CHD9: variants seen among roughly 807,000 people sequenced by gnomAD.
The protein encoded by CHD9 is chromodomain helicase DNA binding protein 9, also known as ATP-dependent chromatin remodeler CHD9.
Under a neutral mutation model 316.1 loss-of-function variants are expected in CHD9, and 77 were observed. The ratio of observed to expected loss-of-function variants is 0.24; its 90% CI spans 0.20 to 0.29. The LOEUF (loss-of-function observed/expected upper bound fraction) is 0.29, where lower values mean the gene tolerates loss of function less well. Ranked by LOEUF, CHD9 falls within the 10% of genes least tolerant of loss-of-function variation. The pLI is 1.00. For missense variants in CHD9, 2,763 were observed against 3,438.1 expected (o/e 0.80, Z 4.91); for synonymous variants, 1,129 against 1,158.3 (o/e 0.97, Z 0.51).
chr16:53,212,751 G>C (rs1461143125), intron 3 of CHD9, among the ~76,000 whole-genome samples: 1 of 152,108 alleles, frequency 6.6e-6, no homozygotes, highest in Admixed American at 6.6e-5. Context: ...CATTTGTTCA[G>C]ATTCCAGTTT....
At chr16:53,114,648 C>T (rs577914946) in intron 1 of CHD9, among the ~76,000 whole-genome samples, 9 of 152,086 alleles carry the variant, frequency 5.9e-5, no homozygotes, top group East Asian at 3.9e-4. Flanking sequence ...AGTGCAGTGG[C>T]GCAATCTCGG....
At chr16:53,112,560 T>TAGC (rs2037948345) in intron 1 of CHD9, among the ~76,000 whole-genome samples, 1 of 152,264 alleles carries the variant, frequency 6.6e-6, no homozygotes, top group Non-Finnish European at 1.5e-5. Context: ...TCTTTTTGTT[T>TAGC]AGCACTTTGC....
chr16:53,163,807 A>G (rs1236305530), intron 2 of CHD9, among the ~76,000 whole-genome samples: 1 of 152,256 alleles, frequency 6.6e-6, no homozygotes, highest in Non-Finnish European at 1.5e-5. Flanking sequence ...AATTTAAAGT[A>G]GAAGCATAGT....
In CHD9 at chr16:53,100,725, C is replaced by T. The variant is rs755598888; in HGVS notation, c.-165+45648C>T. ...TCCACCCACCTTGGCCTTGGCCTTT[C>T]GAAGTGCTGGGATTACAGGCGTGAG... On this transcript the variant is annotated intron_variant, in intron 1 of 38. Coordinates refer to ENST00000447540, the MANE Select transcript of CHD9 (RefSeq NM_001308319.2). Among the ~76,000 whole-genome samples the T allele has an allele frequency of 1.1e-3, 165 of 152,266 alleles. 2 individuals are homozygous for T. The highest frequency in any genetic ancestry group is 3.8e-4 in the Non-Finnish European group (26 of 68,016).
intron 1 of CHD9, among the ~76,000 whole-genome samples, chr16:53,096,641 G>A (rs2036403910): frequency 6.6e-6 from 1 of 152,090 alleles, no homozygotes; most frequent in Non-Finnish European, 1.5e-5. Flanking sequence ...CTATATTATA[G>A]GTGCTCAATA....
chr16:53,055,499 C>CCCA (rs1555511568), intron 1 of CHD9, among the ~76,000 whole-genome samples: 1 of 151,646 alleles, frequency 6.6e-6, no homozygotes, highest in Non-Finnish European at 1.5e-5. Context: ...CCCCCGCCCC[C>CCCA]CCCCAGAGAC....
chr16:53,141,208 C>A (rs554347697), intron 1 of CHD9, among the ~76,000 whole-genome samples: 12 of 152,208 alleles, frequency 7.9e-5, no homozygotes, highest in South Asian at 6.2e-4. Flanking sequence ...CTGTTATAAT[C>A]CCTATTTACA....
intron 17 of CHD9, among the ~76,000 whole-genome samples, chr16:53,254,187 C>CA (rs1211493548): frequency 1.3e-5 from 2 of 151,490 alleles, no homozygotes; most frequent in Admixed American, 6.6e-5. Flanking sequence ...AAAAAACAAA[C>CA]AAAAAAAATA....
intron 1 of CHD9, among the ~76,000 whole-genome samples, chr16:53,085,886 C>T (rs1384720670): frequency 6.6e-6 from 1 of 152,162 alleles, no homozygotes; most frequent in East Asian, 1.9e-4. Flanking sequence ...TCAGGCCTTA[C>T]TTAACCTTGA....
At chr16:53,095,272 G>A (rs975864572) in intron 1 of CHD9, among the ~76,000 whole-genome samples, 8 of 152,168 alleles carry the variant, frequency 5.3e-5, no homozygotes, top group Non-Finnish European at 8.8e-5. Flanking sequence ...CTGGCTAGGC[G>A]CAGTGGTTCA....
chr16:53,247,589 C>A, intron 16 of CHD9, 86 bp downstream of exon 16: 1 of 877,954 alleles, frequency 1.1e-6, no homozygotes, highest in Non-Finnish European at 1.8e-6. Flanking sequence ...GAACTTTACT[C>A]ATATCTTTCT....
intron 12 of CHD9, among the ~76,000 whole-genome samples, chr16:53,240,912 C>T (rs545454003): frequency 6.6e-6 from 1 of 152,180 alleles, no homozygotes; most frequent in South Asian, 2.1e-4. Flanking sequence ...CCCAAAATCA[C>T]AGTGTAAAAC....
At position 53,308,706 on chromosome 16, in the gene CHD9, A is replaced by C. The variant is rs369201399; in HGVS notation, c.7074A>C (p.Thr2358=). 1 of 1,612,574 alleles carries C rather than the reference A, an allele frequency of 6.2e-7. No individual in the cohort carries two copies. Among genetic ancestry groups the C allele is most frequent in the African/African-American group, 1.3e-5 (1 of 74,892 alleles). Residue 2358 remains threonine, a synonymous_variant, in exon 34 of 39, where the codon ACA becomes ACC. Transcript: ENST00000447540. ...KIKDEGGLKL[T]FQKQGLAQKR... ...AACAGGAAGGTGGTTTGAAGTTGAC[A>C]TTTCAGAAGCAAGGGCTTGCTCAGA... is the stretch of plus-strand genomic sequence containing the variant.
At chr16:53,166,284 G>A (rs140518099) in intron 2 of CHD9, among the ~76,000 whole-genome samples, 25 of 152,212 alleles carry the variant, frequency 1.6e-4, no homozygotes, top group African/African-American at 6.0e-4. Flanking sequence ...GTTAACATTA[G>A]CTTTAAGGCT....
In CHD9 at chr16:53,307,704, G is replaced by A; in HGVS notation, c.6804G>A (p.Leu2268=). 1 of 1,610,108 alleles carries A rather than the reference G, an allele frequency of 6.2e-7. No individual in the cohort carries two copies. Among genetic ancestry groups the A allele is most frequent in the Non-Finnish European group, 8.5e-7 (1 of 1,178,056 alleles). The part of the protein sequence containing the change: ...WPKDRVMINR[L]DSICQTVLKG... ...AGGATCGTGTGATGATCAATAGGTT[G>A]GACAGTATTTGTCAAACAGTTCTGA... Residue 2268 remains leucine (L), a synonymous_variant, in exon 33 of 39, where the codon TTG becomes TTA. Coordinates refer to ENST00000447540, the MANE Select transcript of CHD9 (RefSeq NM_001308319.2).
rs572371108 is a variant in CHD9, at chr16:53,281,334, C to T, written c.4968-4262C>T. The stretch of plus-strand genomic sequence containing the variant: ...CCTAGTAAATATACAACCCATTGCT[C>T]TGTTGTTATTCTTGATTCCTCTCTT... On this transcript the variant is annotated intron_variant, in intron 24 of 38. Coordinates refer to ENST00000447540, the MANE Select transcript of CHD9 (RefSeq NM_001308319.2). Among the ~76,000 whole-genome samples the T allele has an allele frequency of 3.9e-5, 6 of 152,236 alleles. No individual in the cohort carries two copies. In the East Asian group the frequency reaches 9.7e-4, roughly 25 times the overall value.
chr16:53,156,569 T>C lies in CHD9; in HGVS notation c.480T>C (p.His160=). ...MHQNKSFVAH[H]DFALFQANEQ... is the part of the protein sequence containing the mutation. ...AAAATAAAAGCTTTGTGGCACACCA[T>C]GACTTTGCCTTATTTCAGGCCAATG... Residue 160 remains histidine, a synonymous_variant, in exon 2 of 39, where the codon CAT becomes CAC. Transcript: ENST00000447540. 1 of 1,613,994 alleles carries C rather than the reference T, an allele frequency of 6.2e-7. No homozygotes were observed. Among genetic ancestry groups the C allele is most frequent in the Non-Finnish European group, 8.5e-7 (1 of 1,179,882 alleles).
chr16:53,127,826 CAGG>C (rs2039037600), intron 1 of CHD9, among the ~76,000 whole-genome samples: 2 of 150,282 alleles, frequency 1.3e-5, no homozygotes, highest in Non-Finnish European at 3.0e-5. Context: ...GAGGCTGAGG[CAGG>C]AGAAGTGCTT....
intron 12 of CHD9, among the ~76,000 whole-genome samples, chr16:53,242,152 G>A (rs1390498681): frequency 2.0e-5 from 3 of 152,018 alleles, no homozygotes; most frequent in South Asian, 2.1e-4. Flanking sequence ...ATACCACATC[G>A]CAATAATGGT....
Sources: allele counts gnomAD v4.1 joint callset (sites outside exome capture counted in the v4.1 genomes callset), GRCh38; gene constraint gnomAD v4.1.1; transcripts MANE v1.5; gene names NCBI Gene and HGNC (gene_info 2026-07-23, HGNC 2026-07-21).